Variants in STIM1 observed in about 807,000 individuals in gnomAD.
The protein encoded by STIM1 is stromal interaction molecule 1.
A neutral mutation model predicts 74.7 loss-of-function variants in STIM1; 25 were observed. The ratio of observed to expected loss-of-function variants is 0.33; its 90% CI spans 0.24 to 0.47. The LOEUF (loss-of-function observed/expected upper bound fraction) is 0.47. Ranked by LOEUF, STIM1 falls within the 20% of genes least tolerant of loss-of-function variation. The pLI, the probability that STIM1 is intolerant of heterozygous loss-of-function variation, is 1.00. For synonymous variants in STIM1, 328 were observed against 348.8 expected, an observed-to-expected ratio of 0.94 and a Z score of 0.66; for missense variants, 728 against 920.8, an observed-to-expected ratio of 0.79 and a Z score of 2.71.
At chr11:3,973,086 C>G in intron 2 of STIM1, 1 of 434,934 alleles carries the variant, frequency 2.3e-6, no homozygotes, top group Non-Finnish European at 4.5e-6. Flanking sequence ...CATAATCCTG[C>G]CTCCACTTCC....
At chr11:3,865,115 T>C (rs1012415311) in intron 1 of STIM1, among the ~76,000 whole-genome samples, 1 of 152,180 alleles carries the variant, frequency 6.6e-6, no homozygotes, top group Non-Finnish European at 1.5e-5. Flanking sequence ...GTAGATGGCA[T>C]TGAATTGGGA....
intron 1 of STIM1, chr11:3,892,311 G>T: frequency 1.2e-6 from 1 of 822,788 alleles, no homozygotes; most frequent in Non-Finnish European, 2.0e-6. Flanking sequence ...AGGATACTGC[G>T]AGCAAATGGG....
At chr11:3,933,721 T>G (rs1022050602) in intron 1 of STIM1, among the ~76,000 whole-genome samples, 3 of 152,200 alleles carry the variant, frequency 2.0e-5, no homozygotes, top group Admixed American at 1.3e-4. Flanking sequence ...TACAATGTAT[T>G]TTTGTGTCTA....
intron 1 of STIM1, among the ~76,000 whole-genome samples, chr11:3,952,625 T>C (rs1254215188): frequency 1.3e-5 from 2 of 152,150 alleles, no homozygotes; most frequent in East Asian, 1.9e-4. Context: ...TAATTAGGGA[T>C]TGGGGAAAAA....
intron 2 of STIM1, among the ~76,000 whole-genome samples, chr11:4,016,959 C>T (rs1366315008): frequency 1.3e-5 from 2 of 152,218 alleles, no homozygotes; most frequent in Non-Finnish European, 2.9e-5. Context: ...TGCACTGTTC[C>T]ACCAGGTAGA....
At chr11:3,875,411 C>T (rs2091275467) in intron 1 of STIM1, among the ~76,000 whole-genome samples, 1 of 152,140 alleles carries the variant, frequency 6.6e-6, no homozygotes, top group Non-Finnish European at 1.5e-5. Flanking sequence ...AAAAGTTAAA[C>T]TTCAATGGCA....
intron 7 of STIM1, among the ~76,000 whole-genome samples, chr11:4,080,586 C>G (rs1183052768): frequency 5.3e-5 from 8 of 151,852 alleles, no homozygotes. Context: ...CCCACCTCAG[C>G]CTCCTGAGTA....
chr11:3,888,314 GC>G (rs946766214), intron 1 of STIM1, among the ~76,000 whole-genome samples: 21 of 152,300 alleles, frequency 1.4e-4, no homozygotes, highest in African/African-American at 5.1e-4. Context: ...TGATTGAGAT[GC>G]TTTTATGGGG....
intron 3 of STIM1, among the ~76,000 whole-genome samples, chr11:4,035,494 T>C (rs971648629): frequency 3.3e-5 from 5 of 152,118 alleles, no homozygotes; most frequent in Non-Finnish European, 5.9e-5. Context: ...ATCCATCCGT[T>C]ATTGGTTTAT....
Position 4,091,726 on chromosome 11 carries a change from C to A in STIM1, c.2079C>A (p.Gly693=), listed in dbSNP as rs147912041. The part of the protein sequence containing the change: ...AVAEEDNGSI[G]EETDSSPGRK... ...CTGAGGAGGATAATGGCTCTATTGG[C>A]GAGGAAACAGACTCCAGCCCAGGCC... Residue 693 remains glycine, a synonymous_variant, in exon 13 of 13, where the codon GGC becomes GGA. Coordinates refer to ENST00000526596, the MANE Select transcript of STIM1 (RefSeq NM_001382567.1). 1,747 of 1,613,844 alleles carry A rather than the reference C, an allele frequency of 1.1e-3. 2 individuals are homozygous for A. Among genetic ancestry groups the A allele is most frequent in the Non-Finnish European group, 1.4e-3 (1,688 of 1,180,040 alleles).
intron 3 of STIM1, among the ~76,000 whole-genome samples, chr11:4,038,044 T>C (rs1184432209): frequency 6.6e-6 from 1 of 152,028 alleles, no homozygotes; most frequent in Non-Finnish European, 1.5e-5. Flanking sequence ...CAGTCTTTTT[T>C]TTTTTTTTGA....
In STIM1 at chr11:4,012,625, C is replaced by T. The variant is rs533525113; in HGVS notation, c.271-11248C>T. 1.0e-3 allele frequency among the ~76,000 whole-genome samples: 155 copies of T among 152,250 alleles called. No individual in the cohort carries two copies. The South Asian group carries it at 0.011, about 11-fold the overall frequency. Reference sequence around the variant, plus strand: ...CTTATCAGTTTAAGGAGATTTTGGGCGGAGACGATGGGGTTTTCTAAATAT... The same window carrying T: ...CTTATCAGTTTAAGGAGATTTTGGGTGGAGACGATGGGGTTTTCTAAATAT... On this transcript the variant is annotated intron_variant, in intron 2 of 12. Coordinates refer to ENST00000526596, the MANE Select transcript of STIM1 (RefSeq NM_001382567.1).
intron 2 of STIM1, among the ~76,000 whole-genome samples, chr11:3,982,583 A>G (rs967594539): frequency 6.6e-6 from 1 of 152,180 alleles, no homozygotes; most frequent in Non-Finnish European, 1.5e-5. Context: ...TCTGAGACAG[A>G]CAGTAATTTT....
intron 2 of STIM1, among the ~76,000 whole-genome samples, chr11:3,992,017 C>CT (rs1455937062): frequency 3.7e-5 from 5 of 134,266 alleles, no homozygotes; most frequent in African/African-American, 1.4e-4. Flanking sequence ...AGTGGCTGGA[C>CT]TAATTTGCAT....
chr11:3,961,948 A>G (rs2093290961), intron 1 of STIM1, among the ~76,000 whole-genome samples: 3 of 152,244 alleles, frequency 2.0e-5, no homozygotes, highest in Non-Finnish European at 4.4e-5. Flanking sequence ...TTTTAACTCT[A>G]TGTATCATCT....
intron 1 of STIM1, among the ~76,000 whole-genome samples, chr11:3,868,694 G>T (rs1474766004): frequency 6.6e-6 from 1 of 152,196 alleles, no homozygotes; most frequent in African/African-American, 2.4e-5. Context: ...TATGAATTCT[G>T]AGTAGGTAGT....
intron 1 of STIM1, among the ~76,000 whole-genome samples, chr11:3,926,918 C>T (rs1194299717): frequency 6.6e-6 from 1 of 152,184 alleles, no homozygotes; most frequent in Non-Finnish European, 1.5e-5. Flanking sequence ...AGTCTGGGCT[C>T]AAATTCTGGG....
chr11:4,022,956 C>T (rs2093969565), intron 2 of STIM1, among the ~76,000 whole-genome samples: 1 of 152,176 alleles, frequency 6.6e-6, no homozygotes, highest in African/African-American at 2.4e-5. Context: ...AGATGAGTCA[C>T]TAATGTCAGC....
At chr11:3,958,843 G>A (rs2093250808) in intron 1 of STIM1, among the ~76,000 whole-genome samples, 1 of 151,874 alleles carries the variant, frequency 6.6e-6, no homozygotes, top group South Asian at 2.1e-4. Context: ...GGCAGTGGAG[G>A]CTGAGGCAGG....
Sources: allele counts gnomAD v4.1 joint callset (sites outside exome capture counted in the v4.1 genomes callset), GRCh38; gene constraint gnomAD v4.1.1; transcripts MANE v1.5; gene names NCBI Gene and HGNC (gene_info 2026-07-23, HGNC 2026-07-21).